Variants in CCDC3 observed in about 807,000 individuals in gnomAD.
CCDC3 encodes the protein coiled-coil domain containing 3, also known as coiled-coil domain-containing protein 3.
CCDC3 carries 24 observed loss-of-function variants against 21.4 expected under a neutral mutation model. The observed-to-expected ratio is 1.12, with a 90% CI of 0.81 to 1.58. CCDC3 has a LOEUF of 1.58. Ranked by LOEUF, CCDC3 falls within the 40% of genes most tolerant of loss-of-function variation. The pLI, the probability that CCDC3 is intolerant of heterozygous loss-of-function variation, is 0.00. For missense variants in CCDC3, 425 were observed against 360.9 expected, an observed-to-expected ratio of 1.18 and a Z score of -1.44; for synonymous variants, 186 against 166.0, an observed-to-expected ratio of 1.12 and a Z score of -0.93.
At chr10:12,947,996 C>A (rs1390365005) in intron 2 of CCDC3, among the ~76,000 whole-genome samples, 1 of 152,208 alleles carries the variant, frequency 6.6e-6, no homozygotes, top group African/African-American at 2.4e-5. Context: ...AGCCTGACTC[C>A]AGAGCCCAGC....
chr10:12,968,190 AACACACACACATAC>A (rs1418959160), intron 2 of CCDC3, among the ~76,000 whole-genome samples: 1 of 75,290 alleles, frequency 1.3e-5, no homozygotes, highest in Non-Finnish European at 3.3e-5. Context: ...AGAAAATACA[AACACACACACATAC>A]ACACACACAC....
intron 5 of CCDC3, among the ~76,000 whole-genome samples, chr10:13,034,730 AAAC>A (rs1836355219): frequency 7.3e-6 from 1 of 136,754 alleles, no homozygotes; most frequent in South Asian, 2.3e-4. Context: ...AACAAACAAA[AAAC>A]CAGGTCTGGC....
upstream of CCDC3, among the ~76,000 whole-genome samples, chr10:13,003,194 C>G (rs1190335762): frequency 2.0e-5 from 3 of 152,212 alleles, no homozygotes; most frequent in Non-Finnish European, 4.4e-5. Context: ...ACAGCACACA[C>G]TGCCAAGTTA....
intron 2 of CCDC3, among the ~76,000 whole-genome samples, chr10:12,923,875 T>C (rs11258063): frequency 0.19 from 29,423 of 152,162 alleles, 3,583 homozygotes; most frequent in Non-Finnish European, 0.28. Flanking sequence ...TCTTTGCAAA[T>C]ATCGATAAGG....
intron 2 of CCDC3, among the ~76,000 whole-genome samples, chr10:12,940,326 G>C (rs1457972560): frequency 3.6e-5 from 2 of 55,560 alleles, no homozygotes; most frequent in East Asian, 7.2e-3. Flanking sequence ...TTGGCATGGT[G>C]GCTGACATTT....
At chr10:12,924,508 A>C (rs1834503231) in intron 2 of CCDC3, among the ~76,000 whole-genome samples, 1 of 152,214 alleles carries the variant, frequency 6.6e-6, no homozygotes, top group Admixed American at 6.5e-5. Context: ...TCTAAACTCT[A>C]ATGATTCTGA....
intron 2 of CCDC3, among the ~76,000 whole-genome samples, chr10:12,920,955 A>AG (rs1264659629): frequency 6.6e-6 from 1 of 152,218 alleles, no homozygotes; most frequent in Non-Finnish European, 1.5e-5. Context: ...CTCACAGAGG[A>AG]GGGCAGGCTT....
At chr10:13,067,743 T>G (rs1387216840) in intron 4 of CCDC3, among the ~76,000 whole-genome samples, 1 of 152,198 alleles carries the variant, frequency 6.6e-6, no homozygotes, top group Non-Finnish European at 1.5e-5. Context: ...ACCTTTTATC[T>G]TCCTTTCTCT....
chr10:13,016,334 GAAA>G (rs72075391), intron 5 of CCDC3, among the ~76,000 whole-genome samples: 37 of 78,368 alleles, frequency 4.7e-4, no homozygotes, highest in Middle Eastern at 6.4e-3. Context: ...TTGGTAAAGC[GAAA>G]AAAAAAAAAA....
At chr10:12,903,929 C>T (rs532059460) in intron 2 of CCDC3, among the ~76,000 whole-genome samples, 2 of 152,362 alleles carry the variant, frequency 1.3e-5, no homozygotes, top group East Asian at 1.9e-4. Flanking sequence ...CAGAGATAAT[C>T]ACTGTGGACA....
At chr10:13,034,209 G>A (rs969337475) in intron 5 of CCDC3, among the ~76,000 whole-genome samples, 1 of 152,016 alleles carries the variant, frequency 6.6e-6, no homozygotes, top group African/African-American at 2.4e-5. Flanking sequence ...GGATGAAGCT[G>A]GAAACCATCA....
Position 13,061,973 on chromosome 10 carries a change from A to AC in CCDC3, c.-270+11894dup, listed in dbSNP as rs1469588769. 6.1e-5 allele frequency among the ~76,000 whole-genome samples: 5 copies of AC among 82,180 alleles called. No individual in the cohort carries two copies. The East Asian group carries it at 1.1e-3, about 17-fold the overall frequency. 53.9% of individuals were successfully genotyped at this position (82,180 alleles called of 152,430 possible). ...CTTTAGAGATGTAAATTTCCCCCCCACCACCCAGAAAGGACAGTTTTACAG... is the reference window on the plus strand; with the variant it reads ...CTTTAGAGATGTAAATTTCCCCCCCACCCACCCAGAAAGGACAGTTTTACAG... On this transcript the variant is annotated intron_variant, in intron 4 of 6. Transcript: ENST00000378839.
upstream of CCDC3, among the ~76,000 whole-genome samples, chr10:13,005,917 TC>T (rs1245492004): frequency 6.6e-6 from 1 of 152,200 alleles, no homozygotes; most frequent in East Asian, 1.9e-4. Flanking sequence ...CTCCCTCTTT[TC>T]CCATTTAGAT....
chr10:12,991,754 T>C (rs1835685896), intron 2 of CCDC3, among the ~76,000 whole-genome samples: 1 of 152,154 alleles, frequency 6.6e-6, no homozygotes, highest in African/African-American at 2.4e-5. Context: ...TCTCTGCATA[T>C]AGTTTTAAAA....
chr10:13,080,456 G>A (rs138551265), intron 3 of CCDC3, among the ~76,000 whole-genome samples: 112 of 152,134 alleles, frequency 7.4e-4, no homozygotes, highest in Middle Eastern at 3.4e-3. Flanking sequence ...AACTATTAAA[G>A]GAACAGTTTA....
intron 2 of CCDC3, among the ~76,000 whole-genome samples, chr10:12,973,707 C>T (rs541258184): frequency 1.4e-4 from 22 of 152,272 alleles, no homozygotes; most frequent in South Asian, 8.3e-4. Context: ...TATATCCCCA[C>T]GGCCTTACTT....
intron 2 of CCDC3, among the ~76,000 whole-genome samples, chr10:12,975,111 G>A (rs557091149): frequency 5.3e-5 from 8 of 152,300 alleles, no homozygotes; most frequent in Non-Finnish European, 1.0e-4. Context: ...CACTAGGTAG[G>A]GTTTTCTGGC....
chr10:12,971,962 C>T (rs563070283), intron 2 of CCDC3, among the ~76,000 whole-genome samples: 2 of 152,280 alleles, frequency 1.3e-5, no homozygotes, highest in Non-Finnish European at 1.5e-5. Context: ...GCTGCGATTA[C>T]AGGTGTGAGC....
At chr10:12,990,510 T>C (rs761968235) in intron 2 of CCDC3, among the ~76,000 whole-genome samples, 1 of 152,178 alleles carries the variant, frequency 6.6e-6, no homozygotes, top group Non-Finnish European at 1.5e-5. Flanking sequence ...ATTTGGGTAT[T>C]TGATAGACAT....
Sources: gnomAD v4.1 joint callset for allele counts (sites outside exome capture counted in the v4.1 genomes callset) on GRCh38, gnomAD v4.1.1 for gene constraint, MANE v1.5 for transcripts, NCBI Gene and HGNC (gene_info 2026-07-23, HGNC 2026-07-21) for gene names.